Variants in SGPP2 observed in about 807,000 individuals in gnomAD.
SGPP2 encodes sphingosine 1-phosphate phosphohydrolase 2.
Under a neutral mutation model 33.9 loss-of-function variants are expected in SGPP2, and 30 were observed. That is an observed-to-expected ratio of 0.89 (90% CI 0.66 to 1.20). SGPP2 has a LOEUF of 1.20. SGPP2 is among the 50% of genes most tolerant of loss of function. SGPP2 has a pLI of 0.00. For synonymous variants in SGPP2, 233 were observed against 225.0 expected (o/e 1.04, Z -0.32); for missense variants, 458 against 532.1 (o/e 0.86, Z 1.37).
In SGPP2 at chr2:222,521,814, C is replaced by A; in HGVS notation, c.426C>A (p.Pro142=). Residue 142 remains proline (P), a synonymous_variant, in exon 3 of 5, where the codon CCC becomes CCA. Coordinates refer to ENST00000321276, the MANE Select transcript of SGPP2 (RefSeq NM_152386.4). ...GQVAKDVLKW[P]RPSSPPVVKL... is the part of the protein sequence containing the mutation. ...TGGCCAAGGATGTCTTGAAGTGGCC[C>A]CGTCCCTCCTCCCCTCCAGTTGTAA... 6.2e-7 allele frequency: 1 copy of A among 1,610,430 alleles called. No homozygotes were observed. Among genetic ancestry groups the A allele is most frequent in the Non-Finnish European group, 8.5e-7 (1 of 1,178,798 alleles).
At chr2:222,531,865 G>A (rs111577464) in intron 4 of SGPP2, among the ~76,000 whole-genome samples, 3,522 of 152,220 alleles carry the variant, frequency 0.023, 58 homozygotes, top group African/African-American at 0.046. Flanking sequence ...TTGGAAGGTG[G>A]AGACAGATAC....
intron 1 of SGPP2, among the ~76,000 whole-genome samples, chr2:222,444,803 A>G (rs2106070074): frequency 6.6e-6 from 1 of 152,350 alleles, no homozygotes; most frequent in East Asian, 1.9e-4. Context: ...TTAGAAAACA[A>G]TACATTGCAG....
intron 2 of SGPP2, among the ~76,000 whole-genome samples, chr2:222,512,500 A>G (rs184585599): frequency 5.3e-5 from 8 of 152,284 alleles, no homozygotes; most frequent in Admixed American, 5.2e-4. Context: ...CTCAAAGTCT[A>G]TAGTGTACAT....
intron 2 of SGPP2, among the ~76,000 whole-genome samples, chr2:222,513,325 A>G (rs952490167): frequency 1.3e-5 from 2 of 152,126 alleles, no homozygotes; most frequent in Non-Finnish European, 1.5e-5. Context: ...TGATGATTCC[A>G]TTTTATTGGA....
chr2:222,526,024 G>C (rs994221580), intron 4 of SGPP2, among the ~76,000 whole-genome samples: 1 of 152,164 alleles, frequency 6.6e-6, no homozygotes, highest in East Asian at 1.9e-4. Context: ...GTCTATCAGA[G>C]AGCAACATTA....
At chr2:222,433,790 T>A (rs1697194446) in intron 1 of SGPP2, among the ~76,000 whole-genome samples, 1 of 152,214 alleles carries the variant, frequency 6.6e-6, no homozygotes, top group South Asian at 2.1e-4. Flanking sequence ...TTTCTTCTGA[T>A]GGATGCCATG....
intron 2 of SGPP2, among the ~76,000 whole-genome samples, chr2:222,494,513 AG>A (rs1360734559): frequency 2.0e-5 from 3 of 152,372 alleles, no homozygotes; most frequent in Admixed American, 1.3e-4. Context: ...TCACCTTGCC[AG>A]CCCACGGCTG....
At chr2:222,539,191 C>T (rs1698957575) in intron 4 of SGPP2, among the ~76,000 whole-genome samples, 1 of 152,162 alleles carries the variant, frequency 6.6e-6, no homozygotes, top group Admixed American at 6.6e-5. Context: ...GTAAATACTT[C>T]CATTCAAAAA....
At chr2:222,498,532 A>G (rs893598419) in intron 2 of SGPP2, 1 of 152,060 alleles carries the variant, frequency 6.6e-6, no homozygotes, top group Non-Finnish European at 1.5e-5. Context: ...TTCAAAACAA[A>G]TGTTGTATTC....
At chr2:222,452,451 G>C in intron 1 of SGPP2, 1 of 798,616 alleles carries the variant, frequency 1.3e-6, no homozygotes. Context: ...ATAAATCCAT[G>C]GTTTGTGGAG....
At chr2:222,499,562 T>A (rs1312376219) in intron 2 of SGPP2, among the ~76,000 whole-genome samples, 2 of 151,984 alleles carry the variant, frequency 1.3e-5, no homozygotes, top group Non-Finnish European at 2.9e-5. Flanking sequence ...TGAAGCCTTA[T>A]TGCCAAAGAG....
chr2:222,562,410 C>T lies in SGPP2; in HGVS notation c.*3512C>T, dbSNP rs1689563798. 6.6e-6 allele frequency among the ~76,000 whole-genome samples: 1 copy of T among 152,120 alleles called. No individual in the cohort carries two copies. Among genetic ancestry groups the T allele is most frequent in the Admixed American group, 6.5e-5 (1 of 15,276 alleles). The stretch of plus-strand genomic sequence containing the variant: ...TGGCTGGAATTACTCCAAAACGTGC[C>T]CAGTGATCGCACTGTAACATGGGAT... On this transcript the variant is annotated 3_prime_UTR_variant, in exon 5 of 5. Coordinates refer to ENST00000321276, the MANE Select transcript of SGPP2 (RefSeq NM_152386.4).
At chr2:222,449,174 T>C (rs1481845334) in intron 1 of SGPP2, among the ~76,000 whole-genome samples, 1 of 152,132 alleles carries the variant, frequency 6.6e-6, no homozygotes. Flanking sequence ...TTTCTACCCA[T>C]CTGGTCGTTG....
At position 222,553,618 on chromosome 2, in the gene SGPP2, G is replaced by A. The variant is rs763908670; in HGVS notation, c.649-4729G>A. 3.9e-5 allele frequency among the ~76,000 whole-genome samples: 6 copies of A among 152,122 alleles called. No individual in the cohort carries two copies. The East Asian group carries it at 9.6e-4, about 24-fold the overall frequency. ...CCAATGCACACTAAAATTTGAGAAC[G>A]TTTCCCATTCAAATAACCATCAGGG... On this transcript the variant is annotated intron_variant, in intron 4 of 4. Transcript: ENST00000321276.
At chr2:222,468,294 C>T (rs1697782138) in intron 1 of SGPP2, among the ~76,000 whole-genome samples, 1 of 151,654 alleles carries the variant, frequency 6.6e-6, no homozygotes, top group Non-Finnish European at 1.5e-5. Flanking sequence ...CCAATTAGTA[C>T]AGTACTTTCA....
intron 2 of SGPP2, among the ~76,000 whole-genome samples, chr2:222,493,146 T>C (rs1464363139): frequency 6.6e-6 from 1 of 152,194 alleles, no homozygotes; most frequent in Non-Finnish European, 1.5e-5. Context: ...TTGGTACCAA[T>C]TTACTGTATT....
chr2:222,452,399 T>C, intron 1 of SGPP2: 1 of 749,618 alleles, frequency 1.3e-6, no homozygotes. Context: ...TTCACTCTCC[T>C]TCACAGATCT....
intron 1 of SGPP2, among the ~76,000 whole-genome samples, chr2:222,455,141 G>A (rs186309596): frequency 2.0e-5 from 3 of 151,968 alleles, no homozygotes; most frequent in South Asian, 4.1e-4. Flanking sequence ...AGGCCAAGGC[G>A]GGAGGATTGC....
intron 2 of SGPP2, among the ~76,000 whole-genome samples, chr2:222,513,412 G>A (rs114304453): frequency 0.011 from 1,663 of 152,150 alleles, 34 homozygotes; most frequent in African/African-American, 0.039. Flanking sequence ...AAATGATCTC[G>A]TCTATCTTAT....
Sources: allele counts gnomAD v4.1 joint callset (sites outside exome capture counted in the v4.1 genomes callset), GRCh38; gene constraint gnomAD v4.1.1; transcripts MANE v1.5; gene names NCBI Gene and HGNC (gene_info 2026-07-23, HGNC 2026-07-21).